GBF1: variants seen among roughly 807,000 people sequenced by gnomAD.
GBF1 encodes the protein golgi brefeldin A resistant guanine nucleotide exchange factor 1, also known as Golgi-specific brefeldin A-resistance guanine nucleotide exchange factor 1.
A neutral mutation model predicts 210.5 loss-of-function variants in GBF1; 114 were observed. That is an observed-to-expected ratio of 0.54 (90% CI 0.47 to 0.63). The LOEUF is 0.63. Ranked by LOEUF, GBF1 falls within the 30% of genes least tolerant of loss-of-function variation. GBF1 has a pLI of 0.00. For synonymous variants in GBF1, 850 were observed against 889.2 expected (o/e 0.96, Z 0.78); for missense variants, 1,851 against 2,357.7 (o/e 0.79, Z 4.45).
At chr10:102,264,349 A>G (rs2073614962) in intron 3 of GBF1, among the ~76,000 whole-genome samples, 1 of 152,210 alleles carries the variant, frequency 6.6e-6, no homozygotes, top group Admixed American at 6.5e-5. Flanking sequence ...TGTCTCTCTC[A>G]TTAACTCAAG....
chr10:102,301,131 TTCCGCAGTGTTTGTG>T (rs1390905786), intron 3 of GBF1, among the ~76,000 whole-genome samples: 3 of 152,172 alleles, frequency 2.0e-5, no homozygotes, highest in African/African-American at 4.8e-5. Flanking sequence ...CCCTGTGGCC[TTCCGCAGTGTTTGTG>T]TCCCTGGGTA....
Position 102,363,808 on chromosome 10 carries a change from T to C in GBF1, c.2106+10T>C. 1 of 1,490,708 alleles carries C rather than the reference T, an allele frequency of 6.7e-7. No homozygotes were observed. The highest frequency in any genetic ancestry group is 9.4e-7 in the Non-Finnish European group (1 of 1,068,092). 92.3% of individuals were successfully genotyped at this position (1,490,708 alleles called of 1,614,324 possible). Reference sequence around the variant, plus strand: ...TAAAAACAAAAAGAAGGTACATACATGTATTCCCCAGCCTCTGTCCACCTC... The same window carrying C: ...TAAAAACAAAAAGAAGGTACATACACGTATTCCCCAGCCTCTGTCCACCTC... On this transcript the variant is annotated intron_variant, in intron 17 of 39. Coordinates refer to ENST00000369983, the MANE Select transcript of GBF1 (RefSeq NM_001377137.1). The surrounding 1 kb of genome is among the most constrained non-coding windows in gnomAD (Gnocchi z 4.2).
chr10:102,351,173 G>C (rs1271290379), intron 4 of GBF1, 83 bp from the exon 5 acceptor site: 2 of 781,302 alleles, frequency 2.6e-6, no homozygotes, highest in African/African-American at 1.8e-5. Context: ...AGGAAAAACT[G>C]TCTCTCAAAG....
At chr10:102,376,129 T>C (rs2060481369) in intron 30 of GBF1, 143 bp from the exon 31 acceptor site, 9 of 650,064 alleles carry the variant, frequency 1.4e-5, no homozygotes, top group Non-Finnish European at 2.4e-5. Flanking sequence ...CGGCCATCCT[T>C]TGGCCCTCTG....
Position 102,265,538 on chromosome 10 carries a change from A to G in GBF1, c.163+5422A>G, listed in dbSNP as rs2073769066. ...CTCTACAAAAATAAAAATAAAAAAAATTAGTTGGGTATGGTGGCGTACAAC... is the reference window on the plus strand; with the variant it reads ...CTCTACAAAAATAAAAATAAAAAAAGTTAGTTGGGTATGGTGGCGTACAAC... On this transcript the variant is annotated intron_variant, in intron 3 of 39. Transcript: ENST00000369983. 2.0e-5 allele frequency among the ~76,000 whole-genome samples: 3 copies of G among 152,108 alleles called. No homozygotes were observed. The South Asian group carries it at 6.2e-4, about 31-fold the overall frequency.
At chr10:102,304,882 C>G (rs1400486194) in intron 3 of GBF1, among the ~76,000 whole-genome samples, 1 of 151,284 alleles carries the variant, frequency 6.6e-6, no homozygotes, top group African/African-American at 2.4e-5. Flanking sequence ...TGTGGTGGTG[C>G]AAGCCTGTAG....
intron 3 of GBF1, among the ~76,000 whole-genome samples, chr10:102,260,476 C>CTTTT (rs60452124): frequency 4.1e-5 from 3 of 72,428 alleles, no homozygotes; most frequent in Admixed American, 2.0e-4. Context: ...TTCCTTTCTT[C>CTTTT]TTTTTTTTTT....
At chr10:102,328,235 A>G (rs1055284233) in intron 3 of GBF1, among the ~76,000 whole-genome samples, 1 of 152,202 alleles carries the variant, frequency 6.6e-6, no homozygotes, top group African/African-American at 2.4e-5. Flanking sequence ...GCTCATGCCT[A>G]TAATCCTAGC....
At chr10:102,345,166 C>G (rs941595332) in intron 4 of GBF1, among the ~76,000 whole-genome samples, 1 of 151,450 alleles carries the variant, frequency 6.6e-6, no homozygotes. Flanking sequence ...TCTGTAACCC[C>G]AGCTACTGGG....
At chr10:102,339,826 C>A (rs899082854) in intron 3 of GBF1, among the ~76,000 whole-genome samples, 4 of 151,986 alleles carry the variant, frequency 2.6e-5, no homozygotes, top group African/African-American at 9.7e-5. Flanking sequence ...TACTCTGTCA[C>A]CCCAGGCTGG....
intron 3 of GBF1, among the ~76,000 whole-genome samples, chr10:102,321,296 T>C (rs2056367711): frequency 6.6e-6 from 1 of 152,238 alleles, no homozygotes; most frequent in African/African-American, 2.4e-5. Context: ...ATCTATTATC[T>C]AGCCTGGTGA....
intron 2 of GBF1, 22 bp from the exon 3 acceptor site, chr10:102,260,028 C>T: frequency 7.0e-7 from 1 of 1,437,800 alleles, no homozygotes; most frequent in Non-Finnish European, 9.8e-7. Flanking sequence ...TAATGACTTA[C>T]TTTAATCTAT....
At chr10:102,358,451 G>C in intron 9 of GBF1, 55 bp from the exon 10 acceptor site, 1 of 1,280,058 alleles carries the variant, frequency 7.8e-7, no homozygotes, top group Non-Finnish European at 1.1e-6. Context: ...TAGAGGGTTT[G>C]TTTTGCCCAC....
intron 3 of GBF1, among the ~76,000 whole-genome samples, chr10:102,306,713 C>A (rs1022362371): frequency 2.0e-5 from 3 of 152,330 alleles, no homozygotes; most frequent in Admixed American, 2.0e-4. Context: ...CGTGAGCCAC[C>A]GCACCCAGCC....
At chr10:102,290,830 G>C (rs1202247098) in intron 3 of GBF1, among the ~76,000 whole-genome samples, 1 of 152,128 alleles carries the variant, frequency 6.6e-6, no homozygotes, top group Non-Finnish European at 1.5e-5. Flanking sequence ...TTATTTTCTC[G>C]AAGTAATAGT....
In GBF1 at chr10:102,368,791, CTCA is replaced by C. The variant is rs1458663581; in HGVS notation, c.2938_2940del (p.Ile980del). 6.2e-7 allele frequency: 1 copy of C among 1,612,938 alleles called. No individual in the cohort carries two copies. Among genetic ancestry groups the C allele is most frequent in the Non-Finnish European group, 8.5e-7 (1 of 1,179,094 alleles). ...TGGCCTCAGCGATGTGTTTGACAAT[CTCA>C]TCATCTCTCTATGCAAATTCACAGC... On this transcript the variant is annotated inframe_deletion, in exon 23 of 40. Transcript: ENST00000369983.
intron 1 of GBF1, among the ~76,000 whole-genome samples, chr10:102,257,794 T>C (rs1163406705): frequency 6.7e-6 from 1 of 150,128 alleles, no homozygotes; most frequent in African/African-American, 2.5e-5. Flanking sequence ...AGTGTCTCGA[T>C]ATGCTGCCCA....
intron 20 of GBF1, 80 bp downstream of exon 20, chr10:102,367,290 G>A (rs761239624): frequency 1.9e-4 from 272 of 1,448,606 alleles, no homozygotes; most frequent in Non-Finnish European, 2.6e-4. Context: ...ATTTCCAGTG[G>A]GCATGATGGA....
chr10:102,299,508 C>T (rs1055903539), intron 3 of GBF1, among the ~76,000 whole-genome samples: 1 of 152,160 alleles, frequency 6.6e-6, no homozygotes, highest in Non-Finnish European at 1.5e-5. Flanking sequence ...AAGGGCCAGG[C>T]GCAGTGGCTC....
Sources: allele counts gnomAD v4.1 joint callset (sites outside exome capture counted in the v4.1 genomes callset), GRCh38; gene constraint gnomAD v4.1.1; non-coding constraint Gnocchi (gnomAD v3.1); transcripts MANE v1.5; gene names NCBI Gene and HGNC (gene_info 2026-07-23, HGNC 2026-07-21).